CACNA1A: variants seen among roughly 807,000 people sequenced by gnomAD.
The protein encoded by CACNA1A is voltage-dependent P/Q-type calcium channel subunit alpha-1A.
Under a neutral mutation model 262.4 loss-of-function variants are expected in CACNA1A, and 57 were observed. The ratio of observed to expected loss-of-function variants is 0.22; its 90% CI spans 0.18 to 0.27. The LOEUF is 0.27. Among genes scored for constraint, CACNA1A ranks in the 10% least tolerant of loss-of-function variants. The pLI is 1.00. For synonymous variants in CACNA1A, 1,431 were observed against 1,419.3 expected (o/e 1.01, Z -0.18); for missense variants, 2,526 against 3,562.8 (o/e 0.71, Z 7.41).
intron 1 of CACNA1A, among the ~76,000 whole-genome samples, chr19:13,461,258 TGAACCCGG>T (rs2061116901): frequency 6.6e-6 from 1 of 152,180 alleles, no homozygotes; most frequent in Admixed American, 6.5e-5. Flanking sequence ...GAGAATCACC[TGAACCCGG>T]GAAGCAGAGT....
chr19:13,235,659 A>G lies in CACNA1A; in HGVS notation c.5022T>C (p.Gly1674=). ...AARLIKLLRQ[G]YTIRILLWTF... ...TCCAGAGAAGAATGCGGATGGTGTA[A>G]CCCTGACGGAGAAGTTTGATGAGCC... Residue 1674 remains glycine, a synonymous_variant, in exon 32 of 47, where the codon GGT becomes GGC. Coordinates refer to ENST00000360228, the MANE Select transcript of CACNA1A (RefSeq NM_001127222.2). The G allele has an allele frequency of 6.2e-7, 1 of 1,613,950 alleles. No individual in the cohort carries two copies.
intron 24 of CACNA1A, among the ~76,000 whole-genome samples, chr19:13,269,453 G>T (rs2056959986): frequency 6.6e-6 from 1 of 152,166 alleles, no homozygotes; most frequent in African/African-American, 2.4e-5. Flanking sequence ...GCCTTCAGGG[G>T]TGGGGGCTGT....
At chr19:13,344,221 C>CAAAAAAA (rs35162704) in intron 6 of CACNA1A, among the ~76,000 whole-genome samples, 6 of 121,320 alleles carry the variant, frequency 4.9e-5, no homozygotes, top group Non-Finnish European at 3.3e-5. Flanking sequence ...CTCAAAAAAG[C>CAAAAAAA]AAAAAAAAAA....
At chr19:13,277,389 G>A (rs1461697038) in intron 22 of CACNA1A, 3 of 337,350 alleles carry the variant, frequency 8.9e-6, no homozygotes, top group Non-Finnish European at 1.7e-5. Flanking sequence ...AGGCCAGTTC[G>A]CTAACCCACG....
chr19:13,318,890 C>CTTTTTTTTT lies in CACNA1A; in HGVS notation c.1346-1578_1346-1570dup, dbSNP rs751530649. On this transcript the variant is annotated intron_variant, in intron 10 of 46. Transcript: ENST00000360228. ...ATTGAATTTACCTTCTAAAATACAT[C>CTTTTTTTTT]TTTTTTTTTTTTTTTTGAGACAGGA... 1.7e-4 allele frequency among the ~76,000 whole-genome samples: 19 copies of CTTTTTTTTT among 114,680 alleles called. 1 individual carries two copies. Among genetic ancestry groups the CTTTTTTTTT allele is most frequent in the South Asian group, 5.6e-4 (2 of 3,594 alleles). The allele number at this position is 114,680 out of a possible 152,430, so 75.2% of individuals were successfully genotyped here. A position where few individuals can be genotyped will look rare whatever the true frequency, so the allele number is the denominator to read the frequency against.
At chr19:13,371,831 A>G (rs1387122222) in intron 3 of CACNA1A, 52 bp from the exon 4 acceptor site, 2 of 1,339,628 alleles carry the variant, frequency 1.5e-6, no homozygotes, top group Non-Finnish European at 1.0e-6. Context: ...TGGGGGTCAG[A>G]CAGCAGGGCG....
At chr19:13,266,537 C>T (rs2056868401) in intron 24 of CACNA1A, among the ~76,000 whole-genome samples, 1 of 151,898 alleles carries the variant, frequency 6.6e-6, no homozygotes. Flanking sequence ...CATCTGAAAA[C>T]GATTCCATGG....
At chr19:13,401,411 A>G (rs1568609329) in intron 3 of CACNA1A, among the ~76,000 whole-genome samples, 1 of 152,194 alleles carries the variant, frequency 6.6e-6, no homozygotes, top group Admixed American at 6.5e-5. Flanking sequence ...GCTGATATGT[A>G]AAGTACTTAC....
At chr19:13,346,640 ATATATATATATATATATATATATATATTT>A (rs1159258790) in intron 6 of CACNA1A, among the ~76,000 whole-genome samples, 116 of 10,196 alleles carry the variant, frequency 0.011, 12 homozygotes, top group Middle Eastern at 0.12. Flanking sequence ...ATATATATAT[ATATATATATATATATATATATATATATTT>A]TTTTTTTTTT....
intron 27 of CACNA1A, 107 bp downstream of exon 27, chr19:13,259,456 GC>G: frequency 9.4e-7 from 1 of 1,062,444 alleles, no homozygotes; most frequent in African/African-American, 1.6e-5. Flanking sequence ...ACAGGCGTGA[GC>G]CACCATGCCC....
chr19:13,330,204 G>T, intron 10 of CACNA1A, 40 bp downstream of exon 10: 1 of 1,415,542 alleles, frequency 7.1e-7, no homozygotes, highest in Non-Finnish European at 9.8e-7. Context: ...TTGGGCGATA[G>T]GTGATGAACA....
chr19:13,431,024 C>T (rs1056894816), intron 3 of CACNA1A, among the ~76,000 whole-genome samples: 1 of 151,688 alleles, frequency 6.6e-6, no homozygotes, highest in Non-Finnish European at 1.5e-5. Flanking sequence ...GTAGCTGAAG[C>T]CGAGTGAGTG....
chr19:13,486,627 T>C (rs1980029514), intron 1 of CACNA1A, among the ~76,000 whole-genome samples: 1 of 152,076 alleles, frequency 6.6e-6, no homozygotes, highest in Non-Finnish European at 1.5e-5. Context: ...AAAAAAATAA[T>C]AAGATGGTCA....
intron 1 of CACNA1A, among the ~76,000 whole-genome samples, chr19:13,464,766 T>G (rs2061196979): frequency 6.6e-6 from 1 of 151,926 alleles, no homozygotes; most frequent in Non-Finnish European, 1.5e-5. Context: ...GCCAGGGTGG[T>G]CTCGATCTCC....
intron 10 of CACNA1A, among the ~76,000 whole-genome samples, chr19:13,319,549 G>A (rs950017547): frequency 2.0e-5 from 3 of 151,954 alleles, no homozygotes; most frequent in African/African-American, 7.2e-5. Flanking sequence ...ACAGGACACA[G>A]CAAACACCTC....
Position 13,407,102 on chromosome 19 carries a change from C to A in CACNA1A, c.540-35323G>T, listed in dbSNP as rs116978804. 5.0e-3 allele frequency among the ~76,000 whole-genome samples: 755 copies of A among 152,250 alleles called. 15 individuals are homozygous for A. The highest frequency in any genetic ancestry group is 0.034 in the Admixed American group (514 of 15,286). On this transcript the variant is annotated intron_variant, in intron 3 of 46. Coordinates refer to ENST00000360228, the MANE Select transcript of CACNA1A (RefSeq NM_001127222.2). ...TAACTTCTCCATGCCTCATTTTTCT[C>A]GTCAGTAAAATATTTTGCTCTCCTG...
At chr19:13,254,332 C>T (rs780479396) in intron 29 of CACNA1A, among the ~76,000 whole-genome samples, 15 of 151,910 alleles carry the variant, frequency 9.9e-5, no homozygotes, top group Admixed American at 2.6e-4. Context: ...AGGGTCCTCA[C>T]CTACCCCTTC....
intron 2 of CACNA1A, 51 bp from the exon 3 acceptor site, chr19:13,453,066 C>T: frequency 6.2e-7 from 1 of 1,605,992 alleles, no homozygotes; most frequent in Non-Finnish European, 8.5e-7. Flanking sequence ...CAGATGTTGA[C>T]AAGATCAGGG....
At chr19:13,256,364 AG>A (rs2056570376) in intron 28 of CACNA1A, 1 of 152,098 alleles carries the variant, frequency 6.6e-6, no homozygotes, top group Non-Finnish European at 1.5e-5. Context: ...AAGGAGGAAT[AG>A]TGGTTATTAA....
Sources: gnomAD v4.1 joint callset for allele counts (sites outside exome capture counted in the v4.1 genomes callset) on GRCh38, gnomAD v4.1.1 for gene constraint, MANE v1.5 for transcripts, NCBI Gene and HGNC (gene_info 2026-07-23, HGNC 2026-07-21) for gene names.